Variants in ARNT2 observed in about 807,000 individuals in gnomAD.
ARNT2 encodes aryl hydrocarbon receptor nuclear translocator 2, also known as ARNT protein 2.
Under a neutral mutation model 91.7 loss-of-function variants are expected in ARNT2, and 36 were observed. The observed-to-expected ratio is 0.39, with a 90% CI of 0.30 to 0.52. The LOEUF (loss-of-function observed/expected upper bound fraction) is 0.52. Ranked by LOEUF, ARNT2 falls within the 20% of genes least tolerant of loss-of-function variation. The probability of loss-of-function intolerance (pLI) is 0.72; values close to 1 mark genes in which losing one functional copy is unlikely to be tolerated. For synonymous variants in ARNT2, 365 were observed against 347.1 expected, an observed-to-expected ratio of 1.05 and a Z score of -0.57; for missense variants, 775 against 939.3, an observed-to-expected ratio of 0.83 and a Z score of 2.29.
At chr15:80,495,103 T>C (rs1257022810) in intron 5 of ARNT2, among the ~76,000 whole-genome samples, 1 of 152,160 alleles carries the variant, frequency 6.6e-6, no homozygotes, top group Non-Finnish European at 1.5e-5. Context: ...GCCTTTTTTT[T>C]GTCTCCTTAT....
chr15:80,527,675 C>G (rs2141438612), intron 8 of ARNT2, among the ~76,000 whole-genome samples: 1 of 152,368 alleles, frequency 6.6e-6, no homozygotes, highest in East Asian at 1.9e-4. Flanking sequence ...TACAGTCACT[C>G]TTACCATCTC....
intron 8 of ARNT2, among the ~76,000 whole-genome samples, chr15:80,543,094 CAAAAAAAAAA>C (rs368917679): frequency 0.084 from 7,295 of 86,616 alleles, 287 homozygotes; most frequent in East Asian, 0.21. Flanking sequence ...CAGACCCGGT[CAAAAAAAAAA>C]AAAAAAAAAA....
intron 1 of ARNT2, among the ~76,000 whole-genome samples, chr15:80,437,506 A>G (rs908766170): frequency 2.0e-5 from 3 of 152,206 alleles, no homozygotes; most frequent in African/African-American, 4.8e-5. Flanking sequence ...ACACAGTGAT[A>G]ATGATGCTTC....
Position 80,451,014 on chromosome 15 carries a change from C to T in ARNT2, c.146+20C>T, listed in dbSNP as rs759019139. On this transcript the variant is annotated intron_variant, in intron 2 of 18. Transcript: ENST00000303329. ...TTCCGGGTAAGCGACCTCAGCGTTT[C>T]CAGGAATTGGCTTAATAAATGTTGA... The T allele has an allele frequency of 1.9e-6, 3 of 1,605,190 alleles. No individual in the cohort carries two copies. In the South Asian group the frequency reaches 3.3e-5, roughly 18 times the overall value.
intron 12 of ARNT2, among the ~76,000 whole-genome samples, chr15:80,568,280 A>AT (rs1247218162): frequency 6.6e-6 from 1 of 152,174 alleles, no homozygotes; most frequent in African/African-American, 2.4e-5. Context: ...GCGTTTTTAC[A>AT]TGGGCACGAC....
chr15:80,411,708 G>T (rs1209051025), intron 1 of ARNT2, among the ~76,000 whole-genome samples: 5 of 152,012 alleles, frequency 3.3e-5, no homozygotes, highest in Non-Finnish European at 7.4e-5. Flanking sequence ...GTCCACAAAG[G>T]TTACACCAGA....
chr15:80,524,642 C>T (rs1373123802), intron 8 of ARNT2, among the ~76,000 whole-genome samples: 3 of 152,086 alleles, frequency 2.0e-5, no homozygotes, highest in African/African-American at 4.8e-5. Flanking sequence ...TTTGGGAGGC[C>T]GAGGCGGGCG....
chr15:80,593,415 G>A (rs1051113539), intron 18 of ARNT2, among the ~76,000 whole-genome samples, 185 bp from the exon 19 acceptor site: 1 of 152,262 alleles, frequency 6.6e-6, no homozygotes, highest in African/African-American at 2.4e-5. Flanking sequence ...GGGGAGAACA[G>A]TTTCCCCGGG....
intron 5 of ARNT2, among the ~76,000 whole-genome samples, chr15:80,476,658 T>A (rs2141398989): frequency 6.6e-6 from 1 of 152,340 alleles, no homozygotes; most frequent in South Asian, 2.1e-4. Context: ...GTGAGTGTGT[T>A]GTTTATTGTG....
At chr15:80,436,398 A>G (rs999687179) in intron 1 of ARNT2, 1 of 154,490 alleles carries the variant, frequency 6.5e-6, no homozygotes, top group Non-Finnish European at 1.5e-5. Flanking sequence ...CTGGGGAAAC[A>G]GAAACACACA....
intron 1 of ARNT2, among the ~76,000 whole-genome samples, chr15:80,413,234 G>C (rs1420199150): frequency 6.6e-6 from 1 of 152,196 alleles, no homozygotes; most frequent in East Asian, 1.9e-4. Flanking sequence ...TCTCATCTGA[G>C]GCCCCATTGT....
chr15:80,541,202 T>C (rs998703623), intron 8 of ARNT2, among the ~76,000 whole-genome samples: 2 of 152,250 alleles, frequency 1.3e-5, no homozygotes, highest in Admixed American at 1.3e-4. Context: ...TGAGATGGTA[T>C]CTCTGCGGTT....
rs527489408 is a variant in ARNT2, at chr15:80,455,237, C to A, written c.147-2692C>A. Among the ~76,000 whole-genome samples the A allele has an allele frequency of 6.0e-4, 91 of 152,224 alleles. 1 individual carries two copies. Among genetic ancestry groups the A allele is most frequent in the Admixed American group, 2.0e-3 (31 of 15,290 alleles). ...CATTGTTTTCCATGTTGCTGATGAG[C>A]CAGTGAGACTGTTTTCGGGTGGATT... On this transcript the variant is annotated intron_variant, in intron 2 of 18. Transcript: ENST00000303329.
chr15:80,556,738 G>A (rs13380393), intron 11 of ARNT2: 2,267 of 152,296 alleles, frequency 0.015, 69 homozygotes, highest in African/African-American at 0.052. Context: ...GGAGGAGGTA[G>A]GCATCATCAT....
Position 80,576,848 on chromosome 15 carries a change from C to T in ARNT2, c.1514-18C>T, listed in dbSNP as rs1474910892. The T allele has an allele frequency of 1.2e-6, 2 of 1,613,832 alleles. No individual in the cohort carries two copies. On this transcript the variant is annotated intron_variant, in intron 14 of 18. Coordinates refer to ENST00000303329, the MANE Select transcript of ARNT2 (RefSeq NM_014862.4). The stretch of plus-strand genomic sequence containing the variant: ...AGCAGGGAACCTTCGCATGTGACTC[C>T]TGCTCTGGTTTTCCTAGCGGAGAAG...
At chr15:80,460,134 G>A (rs1385596394) in intron 3 of ARNT2, among the ~76,000 whole-genome samples, 1 of 152,208 alleles carries the variant, frequency 6.6e-6, no homozygotes, top group Admixed American at 6.5e-5. Flanking sequence ...TGCCTTGTGA[G>A]CCAGCACCCA....
intron 18 of ARNT2, among the ~76,000 whole-genome samples, chr15:80,593,060 C>G (rs991843488): frequency 6.6e-6 from 1 of 152,160 alleles, no homozygotes; most frequent in Non-Finnish European, 1.5e-5. Flanking sequence ...CTGTAAGAAA[C>G]TAAAATAGTG....
chr15:80,438,826 A>G (rs2141575952), intron 1 of ARNT2, among the ~76,000 whole-genome samples: 1 of 152,214 alleles, frequency 6.6e-6, no homozygotes, highest in East Asian at 1.9e-4. Context: ...AGTAGCTAGG[A>G]TTATAGGCAC....
At chr15:80,504,413 C>G (rs907309135) in intron 5 of ARNT2, among the ~76,000 whole-genome samples, 2 of 152,154 alleles carry the variant, frequency 1.3e-5, no homozygotes, top group Non-Finnish European at 1.5e-5. Context: ...CACATATTGT[C>G]CGGGCTAAAT....
Sources: allele counts gnomAD v4.1 joint callset (sites outside exome capture counted in the v4.1 genomes callset), GRCh38; gene constraint gnomAD v4.1.1; transcripts MANE v1.5; gene names NCBI Gene and HGNC (gene_info 2026-07-23, HGNC 2026-07-21).